GSDME: variants seen among roughly 807,000 people sequenced by gnomAD.
GSDME encodes the protein gasdermin-E.
GSDME carries 44 observed loss-of-function variants against 47.5 expected under a neutral mutation model. The observed-to-expected ratio is 0.93, with a 90% CI of 0.73 to 1.19. The LOEUF (loss-of-function observed/expected upper bound fraction) is 1.19, where lower values mean the gene tolerates loss of function less well. Ranked by LOEUF, GSDME falls within the 50% of genes most tolerant of loss-of-function variation. The pLI, the probability that GSDME is intolerant of heterozygous loss-of-function variation, is 0.00. For synonymous variants in GSDME, 258 were observed against 252.8 expected, an observed-to-expected ratio of 1.02 and a Z score of -0.20; for missense variants, 663 against 604.2, an observed-to-expected ratio of 1.10 and a Z score of -1.02.
Position 24,732,899 on chromosome 7 carries a change from G to A in GSDME, c.404+11663C>T, listed in dbSNP as rs1488153305. On this transcript the variant is annotated intron_variant, in intron 3 of 9. Transcript: ENST00000645220. This position sits in a 1 kb window ranked among gnomAD's most constrained non-coding sequence, Gnocchi z 4.8. ...AGCTGTGCTGGGCTCAGAGCCAGTG[G>A]ATTTGGGGGGTGGGTACACAACCTA... Among the ~76,000 whole-genome samples, 2 of 152,096 alleles carry A rather than the reference G, an allele frequency of 1.3e-5. No individual in the cohort carries two copies. The highest frequency in any genetic ancestry group is 1.3e-4 in the Admixed American group (2 of 15,272).
chr7:24,780,422 G>A, the GSDME span, among the ~76,000 whole-genome samples: 4 of 152,098 alleles, frequency 2.6e-5, no homozygotes, highest in African/African-American at 9.7e-5. The surrounding 1 kb of genome is among the most constrained non-coding windows in gnomAD (Gnocchi z 4.1). Context: ...TAATATTCAG[G>A]AAGTTTCTTA....
chr7:24,784,022 TGGA>T, the GSDME span, among the ~76,000 whole-genome samples: 2 of 152,198 alleles, frequency 1.3e-5, no homozygotes, highest in Admixed American at 1.3e-4. Flanking sequence ...GCGTTCTCTG[TGGA>T]GGAGAAGCCA....
Position 24,736,260 on chromosome 7 carries a change from G to A in GSDME, c.404+8302C>T, listed in dbSNP as rs548377220. Among the ~76,000 whole-genome samples, 41 of 152,122 alleles carry A rather than the reference G, an allele frequency of 2.7e-4. 1 individual carries two copies. The highest frequency in any genetic ancestry group is 4.9e-4 in the Non-Finnish European group (33 of 67,994). The stretch of plus-strand genomic sequence containing the variant: ...TAAAAACAACAAAAAAAGACCAAAT[G>A]ATCTGTTGCCTACAAGAAACACCCT... On this transcript the variant is annotated intron_variant, in intron 3 of 9. Coordinates refer to ENST00000645220, the MANE Select transcript of GSDME (RefSeq NM_001127453.2). The surrounding 1 kb of genome is among the most constrained non-coding windows in gnomAD (Gnocchi z 4.6).
At chr7:24,777,827 G>A in the GSDME span, among the ~76,000 whole-genome samples, 1 of 152,142 alleles carries the variant, frequency 6.6e-6, no homozygotes, top group South Asian at 2.1e-4. Context: ...GAGCCCAGGA[G>A]TTTGAGGCCA....
chr7:24,706,383 G>A lies in GSDME; in HGVS notation c.991-7C>T, dbSNP rs1461130101. The A allele has an allele frequency of 1.9e-6, 3 of 1,611,578 alleles. No individual in the cohort carries two copies. The highest frequency in any genetic ancestry group is 3.3e-5 in the Admixed American group (2 of 59,950). On this transcript the variant is annotated splice_region_variant and splice_polypyrimidine_tract_variant and intron_variant, in intron 7 of 9. Transcript: ENST00000645220. ...CGCTGACCAGGTCATCGCACTGTAG[G>A]GCAGGGAAGAAGAAGGGTCATGACA...
In GSDME at chr7:24,698,758, C is replaced by T. The variant is rs1788736908; in HGVS notation, c.*268G>A. On this transcript the variant is annotated 3_prime_UTR_variant, in exon 10 of 10. Coordinates refer to ENST00000645220, the MANE Select transcript of GSDME (RefSeq NM_001127453.2). ...TGCAGAAAAAACGTCTGAATGTATG[C>T]TAAGAATTCTCCGCCCTCCCAGCTC... is the stretch of plus-strand genomic sequence containing the variant. 2.0e-6 allele frequency: 1 copy of T among 496,004 alleles called. No homozygotes were observed. Among genetic ancestry groups the T allele is most frequent in the African/African-American group, 1.9e-5 (1 of 51,790 alleles). 30.7% of individuals were successfully genotyped at this position (496,004 alleles called of 1,614,324 possible). A position where few individuals can be genotyped will look rare whatever the true frequency, so the allele number is the denominator to read the frequency against.
At position 24,710,251 on chromosome 7, in the gene GSDME, C is replaced by T; in HGVS notation, c.835G>A (p.Asp279Asn). The change falls in exon 6 of 10, where the codon GAT becomes AAT. Residue 279 changes from aspartate to asparagine, a missense_variant. Physicochemically the swap from Asp to Asn is conservative, Grantham distance 23. Coordinates refer to ENST00000645220, the MANE Select transcript of GSDME (RefSeq NM_001127453.2). ...TGCTTTAAAACACTTAATGGTCCAT[C>T]CTGGGAAGATATCCCATGCGCAGCA... ...PDAAHGISSQDGPLSVLKQAT... is the reference protein window; with the variant it reads ...PDAAHGISSQNGPLSVLKQAT... The T allele has an allele frequency of 6.2e-7, 1 of 1,614,108 alleles. No homozygotes were observed. The highest frequency in any genetic ancestry group is 8.5e-7 in the Non-Finnish European group (1 of 1,180,044).
chr7:24,786,155 C>G, the GSDME span, among the ~76,000 whole-genome samples: 1 of 152,072 alleles, frequency 6.6e-6, no homozygotes, highest in Admixed American at 6.5e-5. This position sits in a 1 kb window ranked among gnomAD's most constrained non-coding sequence, Gnocchi z 5.5. Flanking sequence ...TGTTGGGGCA[C>G]GTGAGATTTG....
the GSDME span, among the ~76,000 whole-genome samples, chr7:24,773,919 AT>A: frequency 6.6e-6 from 1 of 152,122 alleles, no homozygotes; most frequent in Non-Finnish European, 1.5e-5. The surrounding 1 kb of genome is among the most constrained non-coding windows in gnomAD (Gnocchi z 5.4). Flanking sequence ...ACAATTTCCA[AT>A]TTCTTTTAAA....
intron 3 of GSDME, among the ~76,000 whole-genome samples, chr7:24,740,620 T>TA (rs899915582): frequency 4.6e-5 from 7 of 151,958 alleles, no homozygotes; most frequent in Non-Finnish European, 7.4e-5. Flanking sequence ...AATTCCTCAT[T>TA]AAAAAATGTC....
chr7:24,763,507 T>A, the GSDME span, among the ~76,000 whole-genome samples: 1 of 152,018 alleles, frequency 6.6e-6, no homozygotes, highest in Non-Finnish European at 1.5e-5. The surrounding 1 kb of genome is among the most constrained non-coding windows in gnomAD (Gnocchi z 4.3). Context: ...ATGGATATGC[T>A]GGACAAGGGA....
At chr7:24,780,742 G>A in the GSDME span, among the ~76,000 whole-genome samples, 1 of 152,204 alleles carries the variant, frequency 6.6e-6, no homozygotes, top group Non-Finnish European at 1.5e-5. The surrounding 1 kb of genome is among the most constrained non-coding windows in gnomAD (Gnocchi z 4.1). Context: ...CATGAACTCC[G>A]CAAGCGGCAG....
At chr7:24,774,131 C>G in the GSDME span, among the ~76,000 whole-genome samples, 1 of 152,164 alleles carries the variant, frequency 6.6e-6, no homozygotes, top group Non-Finnish European at 1.5e-5. Context: ...CTTTCTAACT[C>G]CATCATGGCT....
At chr7:24,720,860 T>C (rs989198510) in intron 3 of GSDME, among the ~76,000 whole-genome samples, 3 of 151,794 alleles carry the variant, frequency 2.0e-5, no homozygotes, top group Admixed American at 6.6e-5. Flanking sequence ...TGAGCTGAGA[T>C]TGTGCCACCG....
chr7:24,719,139 T>C lies in GSDME; in HGVS notation c.484A>G (p.Ile162Val). The change falls in exon 4 of 10, where the codon ATC becomes GTC. Residue 162 changes from isoleucine to valine, a missense_variant. Coordinates refer to ENST00000645220, the MANE Select transcript of GSDME (RefSeq NM_001127453.2). ...NEVLCVLTQK[I>V]TTMQKCVISE... ...ATCACACACTTCTGCATCGTCGTGATCTTCTGTGTCAAAACGCACAGGACC... is the reference window on the plus strand; with the variant it reads ...ATCACACACTTCTGCATCGTCGTGACCTTCTGTGTCAAAACGCACAGGACC... The C allele has an allele frequency of 6.2e-7, 1 of 1,613,952 alleles. No individual in the cohort carries two copies. The highest frequency in any genetic ancestry group is 1.7e-5 in the Admixed American group (1 of 60,024).
intron 3 of GSDME, among the ~76,000 whole-genome samples, chr7:24,734,696 G>A (rs1260952321): frequency 6.6e-6 from 1 of 152,126 alleles, no homozygotes; most frequent in African/African-American, 2.4e-5. Flanking sequence ...AATTGATTAA[G>A]CAGAAGAAAT....
chr7:24,735,615 G>A lies in GSDME; in HGVS notation c.404+8947C>T, dbSNP rs181071025. ...CTACTAAAAATACAAAAAAGTAGCCGGGCGTGGTGGTGGGCGCCTGTAATC... is the reference window on the plus strand; with the variant it reads ...CTACTAAAAATACAAAAAAGTAGCCAGGCGTGGTGGTGGGCGCCTGTAATC... On this transcript the variant is annotated intron_variant, in intron 3 of 9. Transcript: ENST00000645220. This position sits in a 1 kb window ranked among gnomAD's most constrained non-coding sequence, Gnocchi z 4.4. Among the ~76,000 whole-genome samples the A allele has an allele frequency of 4.6e-5, 7 of 152,048 alleles. No homozygotes were observed. The highest frequency in any genetic ancestry group is 1.4e-4 in the African/African-American group (6 of 41,500).
intron 4 of GSDME, among the ~76,000 whole-genome samples, chr7:24,717,863 C>G (rs536981073): frequency 2.0e-5 from 3 of 152,074 alleles, no homozygotes; most frequent in Non-Finnish European, 4.4e-5. Context: ...GGGAAGAGGC[C>G]GGAGGGAGGA....
the GSDME span, among the ~76,000 whole-genome samples, chr7:24,774,679 C>T: frequency 2.0e-5 from 3 of 152,002 alleles, no homozygotes; most frequent in Admixed American, 6.5e-5. Context: ...ATTACAGGCG[C>T]ATGCCACCAC....
Sources: gnomAD v4.1 joint callset for allele counts (sites outside exome capture counted in the v4.1 genomes callset) on GRCh38, gnomAD v4.1.1 for gene constraint, Gnocchi (gnomAD v3.1) non-coding constraint, MANE v1.5 for transcripts, NCBI Gene and HGNC (gene_info 2026-07-23, HGNC 2026-07-21) for gene names.